Variants in SRSF1 observed in about 807,000 individuals in gnomAD.
The protein encoded by SRSF1 is serine and arginine rich splicing factor 1.
A neutral mutation model predicts 25.9 loss-of-function variants in SRSF1; 1 was observed. That is an observed-to-expected ratio of 0.04 (90% confidence interval 0.01 to 0.18). SRSF1 has a LOEUF of 0.18. Among genes scored for constraint, SRSF1 ranks in the 10% least tolerant of loss-of-function variants. The pLI is 1.00. For synonymous variants in SRSF1, 132 were observed against 126.2 expected, an observed-to-expected ratio of 1.05 and a Z score of -0.31; for missense variants, 65 against 350.5, an observed-to-expected ratio of 0.19 and a Z score of 6.50.
chr17:57,996,947 A>G (rs557831897), downstream of SRSF1, among the ~76,000 whole-genome samples: 67 of 152,318 alleles, frequency 4.4e-4, no homozygotes, highest in African/African-American at 1.6e-3. Flanking sequence ...CAACAACAAA[A>G]AAACAACCAA....
chr17:57,997,415 T>C (rs913276021), downstream of SRSF1, among the ~76,000 whole-genome samples: 8 of 152,200 alleles, frequency 5.3e-5, no homozygotes, highest in Non-Finnish European at 1.5e-5. Context: ...ATCTCGCCCA[T>C]CAATATTAAA....
At chr17:57,994,583 C>T in the SRSF1 span, 1 of 152,146 alleles carries the variant, frequency 6.6e-6, no homozygotes. Context: ...TTGAAGAGCC[C>T]TGGTAAACAC....
At chr17:58,000,076 C>A (rs2075380394), downstream of SRSF1, among the ~76,000 whole-genome samples, 1 of 152,016 alleles carries the variant, frequency 6.6e-6, no homozygotes, top group Admixed American at 6.6e-5. Context: ...GTTATATTTG[C>A]CTAAATTAAC....
chr17:58,006,805 G>A, intron 1 of SRSF1, 139 bp downstream of exon 1: 1 of 1,095,496 alleles, frequency 9.1e-7, no homozygotes, highest in Admixed American at 2.4e-5. Flanking sequence ...CTCCTTACTC[G>A]ACTCCTGCAT....
Position 58,007,212 on chromosome 17 carries a change from C to A in SRSF1, c.-75G>T. ...AGCGCACGGCAGAGCGAGCCCGCAG[C>A]GGCACCACGTCTCCCGCGGCCCCTC... On this transcript the variant is annotated 5_prime_UTR_variant, in exon 1 of 4. Coordinates refer to ENST00000258962, the MANE Select transcript of SRSF1 (RefSeq NM_006924.5). The A allele has an allele frequency of 5.8e-6, 9 of 1,552,710 alleles. No homozygotes were observed. Among genetic ancestry groups the A allele is most frequent in the Non-Finnish European group, 7.9e-6 (9 of 1,139,202 alleles).
rs1238554795 is a variant in SRSF1 at position 58,006,057 on chromosome 17, CT to C, written c.380-85del. 5.4e-6 allele frequency: 7 copies of C among 1,303,410 alleles called. No homozygotes were observed. The East Asian group carries it at 1.7e-4, about 31-fold the overall frequency. The allele number at this position is 1,303,410 out of a possible 1,614,324, so 80.7% of individuals were successfully genotyped here. On this transcript the variant is annotated intron_variant, in intron 2 of 3. Coordinates refer to ENST00000258962, the MANE Select transcript of SRSF1 (RefSeq NM_006924.5). ...GTAAGGTACATTAGGACAAAGAGTA[CT>C]TTAAAGTACTTAATAGGTGTACTTA...
At position 58,004,683 on chromosome 17, in the gene SRSF1, T is replaced by C. The variant is rs1362139442; in HGVS notation, c.*723A>G. ...ACAAATTAGCCAGTTCTTCCCACAT[T>C]AGTCCCTATTAAAACAAAAATGGGG... is the stretch of plus-strand genomic sequence containing the variant. On this transcript the variant is annotated 3_prime_UTR_variant, in exon 4 of 4. Coordinates refer to ENST00000258962, the MANE Select transcript of SRSF1 (RefSeq NM_006924.5). 3.4e-6 allele frequency: 1 copy of C among 293,504 alleles called. No individual in the cohort carries two copies. The highest frequency in any genetic ancestry group is 6.3e-6 in the Non-Finnish European group (1 of 159,806). The allele number at this position is 293,504 out of a possible 1,614,324, so 18.2% of individuals were successfully genotyped here. A position where few individuals can be genotyped will look rare whatever the true frequency, so the allele number is the denominator to read the frequency against.
At position 58,007,188 on chromosome 17, in the gene SRSF1, G is replaced by C. The variant is rs1430461931; in HGVS notation, c.-51C>G. 3 of 1,601,732 alleles carry C rather than the reference G, an allele frequency of 1.9e-6. No homozygotes were observed. The African/African-American group carries it at 4.0e-5, about 21-fold the overall frequency. On this transcript the variant is annotated 5_prime_UTR_variant, in exon 1 of 4. Coordinates refer to ENST00000258962, the MANE Select transcript of SRSF1 (RefSeq NM_006924.5). ...AGAACAGGCCTTCCCACCAAGCCTA[G>C]CGCACGGCAGAGCGAGCCCGCAGCG...
At chr17:57,993,421 T>A in the SRSF1 span, 1 of 150,570 alleles carries the variant, frequency 6.6e-6, no homozygotes, top group African/African-American at 2.5e-5. Flanking sequence ...AAGTTCTACA[T>A]TCAGTCATCT....
At position 58,005,627 on chromosome 17, in the gene SRSF1, G is replaced by T. The variant is rs1365243803; in HGVS notation, c.553-27C>A. 6.2e-7 allele frequency: 1 copy of T among 1,612,274 alleles called. No homozygotes were observed. The highest frequency in any genetic ancestry group is 8.5e-7 in the Non-Finnish European group (1 of 1,178,580). On this transcript the variant is annotated intron_variant, in intron 3 of 3. Coordinates refer to ENST00000258962, the MANE Select transcript of SRSF1 (RefSeq NM_006924.5). The surrounding 1 kb of genome is among the most constrained non-coding windows in gnomAD (Gnocchi z 5.2). ...TATTGGATAGACAGAACTTTCCATT[G>T]AAAGATCTAAGCTTTCATCTATCTT...
In SRSF1 at chr17:58,006,870, A is replaced by G. The variant is rs752456233; in HGVS notation, c.194+74T>C. On this transcript the variant is annotated intron_variant, in intron 1 of 3. Transcript: ENST00000258962. ...AAGAGCCCCCGCTTCCCCGTTCTCTATGTTAAGGCCTTGGAGCCTTCCCCA... is the reference window on the plus strand; with the variant it reads ...AAGAGCCCCCGCTTCCCCGTTCTCTGTGTTAAGGCCTTGGAGCCTTCCCCA... The G allele has an allele frequency of 4.5e-4, 698 of 1,542,372 alleles. No homozygotes were observed. In the Middle Eastern group the frequency reaches 4.8e-3, roughly 11 times the overall value.
the SRSF1 span, among the ~76,000 whole-genome samples, chr17:57,995,641 AG>A: frequency 6.6e-6 from 1 of 152,242 alleles, no homozygotes; most frequent in Non-Finnish European, 1.5e-5. Context: ...TAGATATTAC[AG>A]GTGTTTCTCA....
downstream of SRSF1, among the ~76,000 whole-genome samples, chr17:57,999,775 A>C (rs556287669): frequency 6.6e-6 from 1 of 152,314 alleles, no homozygotes; most frequent in African/African-American, 2.4e-5. Context: ...AAAAATTAAG[A>C]CCTATTTCTA....
rs1161925710 is a variant in SRSF1 at position 58,001,352 on chromosome 17, A to G, written c.*4054T>C. Reference sequence around the variant, plus strand: ...GTGAGCACTGAATATTTACTAAAGCATAAAACTTAGGAAAAATCATTTTAC... The same window carrying G: ...GTGAGCACTGAATATTTACTAAAGCGTAAAACTTAGGAAAAATCATTTTAC... On this transcript the variant is annotated 3_prime_UTR_variant, in exon 4 of 4. Transcript: ENST00000258962. 6.6e-6 allele frequency among the ~76,000 whole-genome samples: 1 copy of G among 152,218 alleles called. No individual in the cohort carries two copies. The highest frequency in any genetic ancestry group is 1.5e-5 in the Non-Finnish European group (1 of 68,016).
downstream of SRSF1, among the ~76,000 whole-genome samples, chr17:58,000,563 A>C (rs1345983433): frequency 6.6e-6 from 1 of 152,164 alleles, no homozygotes; most frequent in African/African-American, 2.4e-5. Context: ...ATTACAACAG[A>C]ATGTAAAGAA....
the SRSF1 span, chr17:57,989,607 A>G: frequency 2.5e-5 from 10 of 398,420 alleles, no homozygotes; most frequent in Admixed American, 1.3e-4. Context: ...TCCATCCACT[A>G]GACAAGAATA....
rs1473404250 is a variant in SRSF1, at chr17:58,002,682, A to AC, written c.*2723dup. On this transcript the variant is annotated 3_prime_UTR_variant, in exon 4 of 4. Transcript: ENST00000258962. ...TCCAAAGAAGCAGTTAATCTTGTGC[A>AC]CTCTTCCCTTTCAAAAAAGAAATGA... 6.6e-6 allele frequency among the ~76,000 whole-genome samples: 1 copy of AC among 152,120 alleles called. No homozygotes were observed. The highest frequency in any genetic ancestry group is 1.5e-5 in the Non-Finnish European group (1 of 68,016).
At position 58,001,548 on chromosome 17, in the gene SRSF1, T is replaced by A. The variant is rs963595750; in HGVS notation, c.*3858A>T. 3.4e-4 allele frequency among the ~76,000 whole-genome samples: 52 copies of A among 152,232 alleles called. No homozygotes were observed. The highest frequency in any genetic ancestry group is 1.2e-3 in the African/African-American group (50 of 41,474). On this transcript the variant is annotated 3_prime_UTR_variant, in exon 4 of 4. Coordinates refer to ENST00000258962, the MANE Select transcript of SRSF1 (RefSeq NM_006924.5). Reference sequence around the variant, plus strand: ...AGGTGGGTTATTCAATCTGATGTTATGAAAAGTAATTGCTTCTTAAAGAGA... The same window carrying A: ...AGGTGGGTTATTCAATCTGATGTTAAGAAAAGTAATTGCTTCTTAAAGAGA...
At chr17:58,006,671 C>T in intron 1 of SRSF1, 144 bp from the exon 2 acceptor site, 1 of 1,036,572 alleles carries the variant, frequency 9.6e-7, no homozygotes, top group Non-Finnish European at 1.4e-6. Context: ...CCCTCCCCCA[C>T]CCAGAAACAC....
Sources: allele counts gnomAD v4.1 joint callset (sites outside exome capture counted in the v4.1 genomes callset), GRCh38; gene constraint gnomAD v4.1.1; non-coding constraint Gnocchi (gnomAD v3.1); transcripts MANE v1.5; gene names NCBI Gene and HGNC (gene_info 2026-07-23, HGNC 2026-07-21).